The following WWOX variants were observed in gnomAD, a reference collection of about 807,000 sequenced individuals.
WWOX encodes WW domain containing oxidoreductase.
WWOX carries 69 observed loss-of-function variants against 46.2 expected under a neutral mutation model. The ratio of observed to expected loss-of-function variants is 1.49; its 90% CI spans 1.23 to 1.82. The LOEUF (loss-of-function observed/expected upper bound fraction) is 1.82, where lower values mean the gene tolerates loss of function less well. WWOX is among the 40% of genes most tolerant of loss of function. The pLI is 0.00. For synonymous variants in WWOX, 359 were observed against 202.6 expected (o/e 1.77, Z -6.56); for missense variants, 919 against 542.6 (o/e 1.69, Z -6.89).
intron 8 of WWOX, among the ~76,000 whole-genome samples, chr16:78,797,043 C>T (rs1358013654): frequency 1.3e-5 from 2 of 152,008 alleles, no homozygotes; most frequent in Non-Finnish European, 2.9e-5. Flanking sequence ...CCAGTCTGGT[C>T]TGGAACACCT....
chr16:78,219,075 C>T (rs181408120), intron 5 of WWOX, among the ~76,000 whole-genome samples: 6 of 152,070 alleles, frequency 3.9e-5, no homozygotes, highest in Admixed American at 3.9e-4. Context: ...AAGGAAGTTG[C>T]GCTTGAGGAA....
rs2045437203 is a variant in WWOX, at chr16:78,923,842, C to T, written c.1057-287766C>T. 2.8e-5 allele frequency among the ~76,000 whole-genome samples: 4 copies of T among 142,856 alleles called. No individual in the cohort carries two copies. In the South Asian group the frequency reaches 8.9e-4, roughly 32 times the overall value. The allele number at this position is 142,856 out of a possible 152,430, so 93.7% of individuals were successfully genotyped here. ...TCAGACGGAGTCTTGCTCTGTTGCC[C>T]AGGCTGGAGTGCAGTGGCGCGATCT... On this transcript the variant is annotated intron_variant, in intron 8 of 8. Transcript: ENST00000566780.
rs563063532 is a variant in WWOX at position 78,220,085 on chromosome 16, CTGAATGATTG to C, written c.516+55813_516+55822del. 9.9e-4 allele frequency among the ~76,000 whole-genome samples: 150 copies of C among 152,206 alleles called. 1 individual carries two copies. In the Middle Eastern group the frequency reaches 0.014, roughly 14 times the overall value. On this transcript the variant is annotated intron_variant, in intron 5 of 8. Coordinates refer to ENST00000566780, the MANE Select transcript of WWOX (RefSeq NM_016373.4). ...TCCCCCTGTAGAATGGGAGGTAATG[CTGAATGATTG>C]TGAATGATTGTGAATGTTTGTTTAT...
intron 6 of WWOX, among the ~76,000 whole-genome samples, chr16:78,401,516 C>T (rs901092718): frequency 6.6e-6 from 1 of 152,018 alleles, no homozygotes; most frequent in African/African-American, 2.4e-5. Flanking sequence ...TGTATCCTGT[C>T]TTGGTATTGT....
At chr16:79,118,950 C>G (rs2049572969) in intron 8 of WWOX, among the ~76,000 whole-genome samples, 1 of 152,114 alleles carries the variant, frequency 6.6e-6, no homozygotes, top group Non-Finnish European at 1.5e-5. Context: ...GTTTTAAATA[C>G]TTTTGGTGTC....
intron 5 of WWOX, among the ~76,000 whole-genome samples, chr16:78,305,354 T>G (rs1332741531): frequency 4.6e-5 from 7 of 152,276 alleles, no homozygotes; most frequent in Non-Finnish European, 1.0e-4. Context: ...CCGGCCTCCT[T>G]GCTCACAATA....
chr16:79,114,578 A>G (rs961839388), intron 8 of WWOX, among the ~76,000 whole-genome samples: 9 of 151,992 alleles, frequency 5.9e-5, no homozygotes, highest in Non-Finnish European at 1.3e-4. Flanking sequence ...GTTCTGCCCT[A>G]GAGCCTTCGG....
At chr16:78,922,128 G>C (rs1329233015) in intron 8 of WWOX, among the ~76,000 whole-genome samples, 1 of 152,138 alleles carries the variant, frequency 6.6e-6, no homozygotes, top group Admixed American at 6.5e-5. Flanking sequence ...GGTCTTCGTT[G>C]CGTAGGTGTG....
rs138443268 is a variant in WWOX at position 78,126,237 on chromosome 16, G to A, written c.409+11083G>A. 3.3e-5 allele frequency among the ~76,000 whole-genome samples: 5 copies of A among 152,210 alleles called. No individual in the cohort carries two copies. The East Asian group carries it at 9.7e-4, about 29-fold the overall frequency. On this transcript the variant is annotated intron_variant, in intron 4 of 8. Transcript: ENST00000566780. The stretch of plus-strand genomic sequence containing the variant: ...TGTAATTAAATGTTTGTACCCATCC[G>A]TGACTCTTCTATAGTTTTATTTTGT...
chr16:78,137,102 G>A (rs1046103667), intron 4 of WWOX, among the ~76,000 whole-genome samples: 2 of 152,172 alleles, frequency 1.3e-5, no homozygotes, highest in Admixed American at 6.5e-5. Context: ...GGCAGAGGGG[G>A]TCAGGGATGT....
At chr16:78,140,199 G>T (rs1690105505) in intron 4 of WWOX, among the ~76,000 whole-genome samples, 1 of 152,178 alleles carries the variant, frequency 6.6e-6, no homozygotes, top group Non-Finnish European at 1.5e-5. Context: ...AGAATTTGAA[G>T]GGGTGCATGA....
At chr16:78,708,459 C>T (rs1386956964) in intron 8 of WWOX, among the ~76,000 whole-genome samples, 2 of 152,174 alleles carry the variant, frequency 1.3e-5, no homozygotes, top group South Asian at 2.1e-4. Flanking sequence ...ATCTTTCCTC[C>T]TGTGATTCTG....
intron 5 of WWOX, among the ~76,000 whole-genome samples, chr16:78,328,373 G>A (rs2080678203): frequency 6.6e-6 from 1 of 152,142 alleles, no homozygotes; most frequent in South Asian, 2.1e-4. Flanking sequence ...ATTGATGTAA[G>A]TCGTAAAAAA....
At chr16:79,124,118 C>G (rs980559890) in intron 8 of WWOX, among the ~76,000 whole-genome samples, 1 of 152,162 alleles carries the variant, frequency 6.6e-6, no homozygotes, top group African/African-American at 2.4e-5. Flanking sequence ...GCCTTGGCCT[C>G]AAGTTGATTT....
intron 6 of WWOX, among the ~76,000 whole-genome samples, chr16:78,417,370 G>C (rs529350258): frequency 1.8e-4 from 27 of 152,180 alleles, no homozygotes; most frequent in Admixed American, 5.2e-4. Context: ...TGAGATTACA[G>C]GCATGAGCCA....
chr16:78,818,990 A>T (rs1597665062), intron 8 of WWOX, among the ~76,000 whole-genome samples: 1 of 152,176 alleles, frequency 6.6e-6, no homozygotes, highest in Non-Finnish European at 1.5e-5. Context: ...TCTAATCCTC[A>T]TTGTGCTTAG....
intron 5 of WWOX, among the ~76,000 whole-genome samples, chr16:78,321,204 G>A (rs2080459649): frequency 6.6e-6 from 1 of 151,456 alleles, no homozygotes; most frequent in African/African-American, 2.4e-5. Context: ...AGTTTTAGAA[G>A]CTGAGTACCA....
intron 8 of WWOX, among the ~76,000 whole-genome samples, chr16:78,783,166 C>T (rs74569149): frequency 6.6e-6 from 1 of 152,184 alleles, no homozygotes; most frequent in Non-Finnish European, 1.5e-5. Context: ...TTTATAATGG[C>T]CCATCATTTA....
intron 8 of WWOX, among the ~76,000 whole-genome samples, chr16:78,785,973 C>T (rs1310202112): frequency 6.6e-6 from 1 of 152,156 alleles, no homozygotes; most frequent in African/African-American, 2.4e-5. Flanking sequence ...GTGGCGCGAT[C>T]TCTGCTCACC....
Sources: gnomAD v4.1 joint callset for allele counts (sites outside exome capture counted in the v4.1 genomes callset) on GRCh38, gnomAD v4.1.1 for gene constraint, MANE v1.5 for transcripts, NCBI Gene and HGNC (gene_info 2026-07-23, HGNC 2026-07-21) for gene names.